CATSPER2: variants seen among roughly 807,000 people sequenced by gnomAD.
The protein encoded by CATSPER2 is cation channel sperm associated 2.
A neutral mutation model predicts 68.8 loss-of-function variants in CATSPER2; 56 were observed. That is an observed-to-expected ratio of 0.81 (90% CI 0.66 to 1.02). The LOEUF is 1.02. CATSPER2 is among the 50% of genes least tolerant of loss of function. The probability of loss-of-function intolerance (pLI) is 0.00; values close to 1 mark genes in which losing one functional copy is unlikely to be tolerated. For synonymous variants in CATSPER2, 198 were observed against 229.9 expected (o/e 0.86, Z 1.26); for missense variants, 582 against 642.0 (o/e 0.91, Z 1.01).
Position 43,648,831 on chromosome 15 carries a change from C to CCATG in CATSPER2, c.-209_-206dup. The CCATG allele has an allele frequency of 6.5e-7, 1 of 1,531,338 alleles. No individual in the cohort carries two copies. The allele number at this position is 1,531,338 out of a possible 1,614,324, so 94.9% of individuals were successfully genotyped here. A position where few individuals can be genotyped will look rare whatever the true frequency, so the allele number is the denominator to read the frequency against. ...CCTAGCCCCTACCCACAGCCCAGGA[C>CCATG]CATGCGGAGCAACGCTCGCCCAGCC... is the stretch of plus-strand genomic sequence containing the variant. On this transcript the variant is annotated 5_prime_UTR_variant, in exon 1 of 13. It adds an upstream start codon to the 5' untranslated region. Coordinates refer to ENST00000396879, the MANE Select transcript of CATSPER2 (RefSeq NM_172095.4).
rs1469758248 is a variant in CATSPER2, at chr15:43,632,294, C to T, written c.1466G>A (p.Arg489His). 7.4e-6 allele frequency: 12 copies of T among 1,613,578 alleles called. No homozygotes were observed. Among genetic ancestry groups the T allele is most frequent in the Non-Finnish European group, 1.0e-5 (12 of 1,179,852 alleles). The change falls in exon 12 of 13, where the codon CGT becomes CAT. Residue 489 changes from arginine (R) to histidine (H), a missense_variant. Arg to His is a conservative substitution (Grantham distance 29, BLOSUM62 0). Around this residue, in one of 5 missense-constraint regions of CATSPER2, gnomAD observed 235 missense variants for 264.2 expected, o/e 0.89. Transcript: ENST00000396879. ...PGLMEMDQDD[R>H]VWPRDSLFRY... is the part of the protein sequence containing the mutation. ...GAAGAGTGAGTCTCTGGGCCAAACACGGTCATCCTGATCCATTTCCATTAG... is the reference window on the plus strand; with the variant it reads ...GAAGAGTGAGTCTCTGGGCCAAACATGGTCATCCTGATCCATTTCCATTAG...
intron 7 of CATSPER2, among the ~76,000 whole-genome samples, chr15:43,636,947 C>T (rs1387410456): frequency 1.3e-5 from 2 of 151,374 alleles, no homozygotes; most frequent in African/African-American, 2.4e-5. Flanking sequence ...CTCAGCCTCC[C>T]GAGTAGTTGG....
chr15:43,639,663 C>A lies in CATSPER2; in HGVS notation c.697G>T (p.Val233Phe), dbSNP rs762149458. Residue 233 changes from valine to phenylalanine, a missense_variant, in exon 6 of 13, where the codon GTC becomes TTC. Transcript: ENST00000396879. The stretch of plus-strand genomic sequence containing the variant: ...ATCACCTTGAGGGCCCTGACCAGGA[C>A]CAAAATAATAATTTGAATTTGACGG... ...QFRQIQIIIL[V>F]LVRALKSMTF... 6 of 1,613,024 alleles carry A rather than the reference C, an allele frequency of 3.7e-6. No individual in the cohort carries two copies. The highest frequency in any genetic ancestry group is 2.7e-5 in the African/African-American group (2 of 74,716).
At chr15:43,644,666 T>G (rs944242192) in intron 4 of CATSPER2, among the ~76,000 whole-genome samples, 1 of 151,932 alleles carries the variant, frequency 6.6e-6, no homozygotes, top group African/African-American at 2.4e-5. Flanking sequence ...TATTGTGAAC[T>G]GCATGTGCGT....
chr15:43,639,677 T>C lies in CATSPER2; in HGVS notation c.683A>G (p.Gln228Arg), dbSNP rs1065392. 1.4e-4 allele frequency: 225 copies of C among 1,612,370 alleles called. 5 individuals carry two copies. The African/African-American group carries it at 2.5e-3, about 18-fold the overall frequency. Residue 228 changes from glutamine to arginine, a missense_variant, in exon 6 of 13, where the codon CAA becomes CGA. Physicochemically the swap from Gln to Arg is conservative, Grantham distance 43. This residue lies in a region of CATSPER2 where 91 missense variants were observed against 72.8 expected (regional missense o/e 1.25). Transcript: ENST00000396879. ...CCTGACCAGGACCAAAATAATAATT[T>C]GAATTTGACGGAATTGTGCAAGGAG... Reference protein sequence around the residue: ...LKLLAQFRQIQIIILVLVRAL... With the variant: ...LKLLAQFRQIRIIILVLVRAL...
At chr15:43,639,111 C>A (rs1431761554) in intron 6 of CATSPER2, 83 bp from the exon 7 acceptor site, 8 of 1,541,236 alleles carry the variant, frequency 5.2e-6, no homozygotes, top group Non-Finnish European at 6.2e-6. Flanking sequence ...ACCTGGCAAT[C>A]CCCCACCAAA....
At chr15:43,636,297 A>C in intron 7 of CATSPER2, 78 bp from the exon 8 acceptor site, 1 of 1,562,366 alleles carries the variant, frequency 6.4e-7, no homozygotes, top group Non-Finnish European at 8.8e-7. Flanking sequence ...ACTTTTAAAG[A>C]AACATAAAGC....
At position 43,647,338 on chromosome 15, in the gene CATSPER2, C is replaced by T; in HGVS notation, c.275G>A (p.Ser92Asn). The T allele has an allele frequency of 6.2e-7, 1 of 1,612,588 alleles. No homozygotes were observed. The highest frequency in any genetic ancestry group is 2.2e-5 in the East Asian group (1 of 44,866). Residue 92 changes from serine to asparagine, a missense_variant, in exon 3 of 13, where the codon AGT (serine) becomes AAT (asparagine). Transcript: ENST00000396879. ...RLLSRLHVRC[S>N]QRPPLSLWAG... ...CCACAAAGAAAGAGGTGGCCTCTGA[C>T]TGCAGCGCACATGAAGCCTGCTCAA...
intron 10 of CATSPER2, chr15:43,634,218 TG>T (rs924581511): frequency 1.4e-5 from 2 of 141,992 alleles, no homozygotes; most frequent in African/African-American, 6.0e-5. Context: ...TGTTCTTTAT[TG>T]TTTTTTGTTT....
At position 43,635,725 on chromosome 15, in the gene CATSPER2, A is replaced by T. The variant is rs1216894652; in HGVS notation, c.1121+2T>A. The T allele has an allele frequency of 1.9e-6, 3 of 1,611,784 alleles. No individual in the cohort carries two copies. The Admixed American group carries it at 5.0e-5, about 27-fold the overall frequency. On this transcript the variant is annotated splice_donor_variant, in intron 9 of 12. Coordinates refer to ENST00000396879, the MANE Select transcript of CATSPER2 (RefSeq NM_172095.4). LOFTEE classifies it high-confidence loss of function. ...GTTGGGGTTGAAAAGGGAGAAGCAG[A>T]CCTCTGGATGATCTGCCGCTTGAAC...
rs28494549 is a variant in CATSPER2 at position 43,647,975 on chromosome 15, A to G, written c.87T>C (p.Ile29=). The change falls in exon 2 of 13, where the codon ATT becomes ATC. Residue 29 remains isoleucine, a synonymous_variant. Coordinates refer to ENST00000396879, the MANE Select transcript of CATSPER2 (RefSeq NM_172095.4). Reference sequence around the variant, plus strand: ...CTTGGCTCAAGCCTTGCAAATGCTCAATGAGAGAGAAAGTATCGATGAGAC... The same window carrying G: ...CTTGGCTCAAGCCTTGCAAATGCTCGATGAGAGAGAAAGTATCGATGAGAC... ...RSRLIDTFSL[I]EHLQGLSQAV... 319 of 1,613,692 alleles carry G rather than the reference A, an allele frequency of 2.0e-4. 10 individuals are homozygous for G. The highest frequency in any genetic ancestry group is 1.8e-3 in the South Asian group (163 of 91,034).
At chr15:43,636,352 C>G in intron 7 of CATSPER2, 133 bp from the exon 8 acceptor site, 1 of 1,254,694 alleles carries the variant, frequency 8.0e-7, no homozygotes, top group South Asian at 1.3e-5. Context: ...TTCTACCATA[C>G]TCAGTTTTTA....
In CATSPER2 at chr15:43,648,055, C is replaced by G. The variant is rs146757686; in HGVS notation, c.7G>C (p.Ala3Pro). The G allele has an allele frequency of 5.9e-5, 95 of 1,613,460 alleles. No homozygotes were observed. The highest frequency in any genetic ancestry group is 1.6e-4 in the Middle Eastern group (1 of 6,084). Residue 3 changes from alanine (A) to proline (P), a missense_variant, in exon 2 of 13, where the codon GCT becomes CCT. Physicochemically the swap from Ala to Pro is conservative, Grantham distance 27. Around this residue, in one of 5 missense-constraint regions of CATSPER2, gnomAD observed 197 missense variants for 191.0 expected, o/e 1.03. Coordinates refer to ENST00000396879, the MANE Select transcript of CATSPER2 (RefSeq NM_172095.4). MA[A>P]YQQEEQMQLP... Reference sequence around the variant, plus strand: ...TGCATCTGCTCTTCTTGTTGGTAAGCGGCCATGTCTGCTAAGAAAATGTAA... The same window carrying G: ...TGCATCTGCTCTTCTTGTTGGTAAGGGGCCATGTCTGCTAAGAAAATGTAA...
At chr15:43,641,814 C>T (rs2086079795) in intron 4 of CATSPER2, among the ~76,000 whole-genome samples, 2 of 152,066 alleles carry the variant, frequency 1.3e-5, no homozygotes, top group South Asian at 4.2e-4. Context: ...GCTCAAGAGC[C>T]TCTGGGTAAC....
chr15:43,638,870 C>T (rs751964673), intron 7 of CATSPER2, 34 bp downstream of exon 7: 1 of 1,611,262 alleles, frequency 6.2e-7, no homozygotes, highest in Non-Finnish European at 8.5e-7. Flanking sequence ...GCCAAATTTT[C>T]TCCCCTCACC....
Position 43,630,725 on chromosome 15 carries a change from T to C in CATSPER2, c.1569A>G (p.Ala523=). Residue 523 remains alanine (A), a synonymous_variant, in exon 13 of 13, where the codon GCA becomes GCG. Transcript: ENST00000396879. ...TTTACTTGTCTTCCAAGTTCATCAG[T>C]GCCTGCACTGCAAAGGAAACAGATT... is the stretch of plus-strand genomic sequence containing the variant. The part of the protein sequence containing the change: ...RKKLQEFAVQ[A]LMNLEDK The C allele has an allele frequency of 6.2e-7, 1 of 1,612,298 alleles. No homozygotes were observed. The highest frequency in any genetic ancestry group is 8.5e-7 in the Non-Finnish European group (1 of 1,179,578).
At chr15:43,645,489 T>C (rs944609062) in intron 4 of CATSPER2, among the ~76,000 whole-genome samples, 1 of 151,728 alleles carries the variant, frequency 6.6e-6, no homozygotes, top group Non-Finnish European at 1.5e-5. Context: ...CTCCCTTCTC[T>C]TAAAAATTCC....
In CATSPER2 at chr15:43,632,199, C is replaced by T. The variant is rs752331302; in HGVS notation, c.1561G>A (p.Val521Met). The change falls in exon 12 of 13, where the codon GTG (valine) becomes ATG (methionine). Residue 521 changes from valine (V) to methionine (M), a missense_variant and splice_region_variant. This residue lies in a region of CATSPER2 where 235 missense variants were observed against 264.2 expected (regional missense o/e 0.89). Coordinates refer to ENST00000396879, the MANE Select transcript of CATSPER2 (RefSeq NM_172095.4). ...CCCCATGACTGCCCTAACTCCATAC[C>T]TGCAAACTCTTGTAACTTCTTACGT... ...EERKKLQEFA[V>M]QALMNLEDK 4.3e-6 allele frequency: 7 copies of T among 1,613,360 alleles called. No individual in the cohort carries two copies. Among genetic ancestry groups the T allele is most frequent in the Non-Finnish European group, 5.9e-6 (7 of 1,179,512 alleles).
intron 6 of CATSPER2, 94 bp from the exon 7 acceptor site, chr15:43,639,122 C>A (rs1406944640): frequency 6.8e-7 from 1 of 1,469,528 alleles, no homozygotes; most frequent in African/African-American, 1.4e-5. Flanking sequence ...CCCCACCAAA[C>A]CCTCTCTTGC....
Sources: gnomAD v4.1 joint callset for allele counts (sites outside exome capture counted in the v4.1 genomes callset) on GRCh38, gnomAD v4.1.1 for gene constraint, gnomAD v4.1.1 regional missense constraint, MANE v1.5 for transcripts, NCBI Gene and HGNC (gene_info 2026-07-23, HGNC 2026-07-21) for gene names.